Variants in HTR4 observed in about 807,000 individuals in gnomAD.
HTR4 encodes 5-hydroxytryptamine receptor 4.
A neutral mutation model predicts 36.8 loss-of-function variants in HTR4; 16 were observed. The observed-to-expected ratio is 0.43, with a 90% CI of 0.29 to 0.66. The LOEUF (loss-of-function observed/expected upper bound fraction) is 0.66. HTR4 is among the 30% of genes least tolerant of loss of function. The pLI, the probability that HTR4 is intolerant of heterozygous loss-of-function variation, is 0.13. For missense variants in HTR4, 438 were observed against 490.9 expected, an observed-to-expected ratio of 0.89 and a Z score of 1.02; for synonymous variants, 189 against 185.1, an observed-to-expected ratio of 1.02 and a Z score of -0.17.
At chr5:148,484,163 T>C (rs1253481603) in intron 6 of HTR4, 12 of 1,318,652 alleles carry the variant, frequency 9.1e-6, no homozygotes, top group African/African-American at 1.5e-5. Flanking sequence ...TCAAATAATC[T>C]ACAATGGTAG....
At chr5:148,631,702 T>C (rs1372798873) in intron 2 of HTR4, among the ~76,000 whole-genome samples, 2 of 152,274 alleles carry the variant, frequency 1.3e-5, no homozygotes, top group East Asian at 1.9e-4. Flanking sequence ...AAAATTTCAA[T>C]TCATTCTTGT....
intron 2 of HTR4, among the ~76,000 whole-genome samples, chr5:148,607,455 T>A (rs931260849): frequency 5.3e-5 from 8 of 152,164 alleles, no homozygotes; most frequent in Admixed American, 4.6e-4. Context: ...GGAAATAAAA[T>A]TAGTCATTTT....
chr5:148,583,146 G>A lies in HTR4; in HGVS notation c.27-32884C>T, dbSNP rs976455886. The stretch of plus-strand genomic sequence containing the variant: ...TTTATTGAGAGTTTTTAGCATGAAG[G>A]GTTGTTGAATTTTGTCAAAGGCCTT... On this transcript the variant is annotated intron_variant, in intron 2 of 6. Transcript: ENST00000377888. Among the ~76,000 whole-genome samples, 4 of 148,932 alleles carry A rather than the reference G, an allele frequency of 2.7e-5. No homozygotes were observed. The East Asian group carries it at 5.9e-4, about 22-fold the overall frequency.
chr5:148,592,617 A>AT (rs1277348038), intron 2 of HTR4, among the ~76,000 whole-genome samples: 1 of 151,868 alleles, frequency 6.6e-6, no homozygotes, highest in African/African-American at 2.4e-5. Context: ...ATTTACTTTC[A>AT]TTTTTTCTAC....
At chr5:148,614,555 T>A (rs1293252747) in intron 2 of HTR4, among the ~76,000 whole-genome samples, 1 of 152,198 alleles carries the variant, frequency 6.6e-6, no homozygotes. Flanking sequence ...GACTTAAACG[T>A]TAGACCTAAA....
intron 2 of HTR4, among the ~76,000 whole-genome samples, chr5:148,554,727 T>G (rs1194262251): frequency 6.6e-6 from 1 of 152,168 alleles, no homozygotes; most frequent in Non-Finnish European, 1.5e-5. Context: ...GGGGGTTTGG[T>G]GTACAGATTA....
intron 4 of HTR4, among the ~76,000 whole-genome samples, chr5:148,544,723 A>G (rs746622936): frequency 3.9e-5 from 6 of 152,224 alleles, no homozygotes; most frequent in African/African-American, 7.2e-5. Flanking sequence ...TATTAACAGA[A>G]TTCAATTCTG....
At position 148,482,424 on chromosome 5, in the gene HTR4, G is replaced by A; in HGVS notation, c.*779C>T. The A allele has an allele frequency of 1.0e-6, 1 of 985,636 alleles. No homozygotes were observed. Among genetic ancestry groups the A allele is most frequent in the Non-Finnish European group, 1.2e-6 (1 of 830,134 alleles). The allele number at this position is 985,636 out of a possible 1,614,324, so 61.1% of individuals were successfully genotyped here. On this transcript the variant is annotated 3_prime_UTR_variant, in exon 7 of 7. Transcript: ENST00000377888. ...GCATCTCAGGGCAGACACGCCAGCG[G>A]CCAGGACACCAGGAGGAAGCTATCT...
At chr5:148,516,044 GATACATATATATACATATATA>G in intron 5 of HTR4, among the ~76,000 whole-genome samples, 1 of 149,850 alleles carries the variant, frequency 6.7e-6, no homozygotes, top group South Asian at 2.1e-4. Context: ...ATTCTGATAT[GATACATATATATACATATATA>G]TCAGAATGGT....
At chr5:148,648,679 G>T (rs1378209953) in intron 1 of HTR4, among the ~76,000 whole-genome samples, 2 of 152,256 alleles carry the variant, frequency 1.3e-5, no homozygotes, top group African/African-American at 4.8e-5. Context: ...TACACCACTT[G>T]CCATTGGAAA....
intron 6 of HTR4, chr5:148,490,579 C>T (rs916582847): frequency 8.0e-6 from 9 of 1,125,366 alleles, no homozygotes; most frequent in East Asian, 1.5e-4. Flanking sequence ...GGGCTGAGAA[C>T]GTGTTATTCA....
chr5:148,647,631 C>G (rs555097838), intron 1 of HTR4, among the ~76,000 whole-genome samples: 289 of 152,268 alleles, frequency 1.9e-3, no homozygotes, highest in South Asian at 9.7e-3. Context: ...GGCAGATCAC[C>G]TGAGCTCGGG....
chr5:148,588,249 C>T (rs1039659464), intron 2 of HTR4, among the ~76,000 whole-genome samples: 30 of 152,176 alleles, frequency 2.0e-4, no homozygotes, highest in Admixed American at 1.3e-4. Flanking sequence ...GTTGACCAAC[C>T]TCTTTAACAA....
intron 5 of HTR4, among the ~76,000 whole-genome samples, chr5:148,463,985 A>T (rs1172225211): frequency 6.6e-6 from 1 of 151,800 alleles, no homozygotes; most frequent in African/African-American, 2.4e-5. Context: ...CAAGGAAGAA[A>T]AGATAGTCTT....
intron 1 of HTR4, among the ~76,000 whole-genome samples, chr5:148,648,816 G>A (rs35033793): frequency 0.19 from 29,506 of 152,092 alleles, 3,439 homozygotes; most frequent in East Asian, 0.4. Flanking sequence ...AGACTCCTGG[G>A]AATGTGTCAA....
chr5:148,539,287 G>C (rs758022200), intron 4 of HTR4, among the ~76,000 whole-genome samples: 20 of 151,906 alleles, frequency 1.3e-4, no homozygotes, highest in South Asian at 4.1e-4. Context: ...AGAGAAACTA[G>C]GTAATACCAT....
intron 4 of HTR4, among the ~76,000 whole-genome samples, chr5:148,544,386 T>C (rs1759280597): frequency 6.6e-6 from 1 of 152,090 alleles, no homozygotes. Context: ...TCTATATTTA[T>C]TTTACAAAAA....
intron 1 of HTR4, among the ~76,000 whole-genome samples, chr5:148,652,538 T>G (rs2127321678): frequency 6.6e-6 from 1 of 152,256 alleles, no homozygotes; most frequent in Non-Finnish European, 1.5e-5. Context: ...TTTGTTGGCT[T>G]CAAGGATGCT....
At chr5:148,531,540 A>C (rs1251570847) in intron 4 of HTR4, among the ~76,000 whole-genome samples, 2 of 152,144 alleles carry the variant, frequency 1.3e-5, no homozygotes, top group African/African-American at 4.8e-5. Context: ...CCAAGTCTTC[A>C]GTATGTATTT....
Sources: allele counts gnomAD v4.1 joint callset (sites outside exome capture counted in the v4.1 genomes callset), GRCh38; gene constraint gnomAD v4.1.1; transcripts MANE v1.5; gene names NCBI Gene and HGNC (gene_info 2026-07-23, HGNC 2026-07-21).